Variants in SBNO2 observed in about 807,000 individuals in gnomAD.
SBNO2 encodes the protein protein strawberry notch homolog 2.
A neutral mutation model predicts 146.3 loss-of-function variants in SBNO2; 89 were observed. The ratio of observed to expected loss-of-function variants is 0.61; its 90% confidence interval spans 0.51 to 0.73. The LOEUF (loss-of-function observed/expected upper bound fraction) is 0.73, where lower values mean the gene tolerates loss of function less well. Ranked by LOEUF, SBNO2 falls within the 30% of genes least tolerant of loss-of-function variation. The pLI is 0.00. For missense variants in SBNO2, 2,092 were observed against 2,003.7 expected, an observed-to-expected ratio of 1.04 and a Z score of -0.84; for synonymous variants, 1,147 against 892.6, an observed-to-expected ratio of 1.29 and a Z score of -5.08.
In SBNO2 at chr19:1,150,805, G is replaced by A. The variant is rs1048765573; in HGVS notation, c.94-1363C>T. Reference sequence around the variant, plus strand: ...TGGCTGGGAACCAGCCCGGATGGCCGGGGGCCACTTTCTGTACCCGCAGGT... The same window carrying A: ...TGGCTGGGAACCAGCCCGGATGGCCAGGGGCCACTTTCTGTACCCGCAGGT... On this transcript the variant is annotated intron_variant, in intron 2 of 31. Coordinates refer to ENST00000361757, the MANE Select transcript of SBNO2 (RefSeq NM_014963.3). The surrounding 1 kb of genome is among the most constrained non-coding windows in gnomAD (Gnocchi z 6.2). Among the ~76,000 whole-genome samples the A allele has an allele frequency of 2.6e-5, 4 of 152,290 alleles. No homozygotes were observed. Among genetic ancestry groups the A allele is most frequent in the East Asian group, 1.9e-4 (1 of 5,176 alleles).
At chr19:1,153,051 A>G (rs1449793677) in intron 2 of SBNO2, among the ~76,000 whole-genome samples, 1 of 151,768 alleles carries the variant, frequency 6.6e-6, no homozygotes, top group Non-Finnish European at 1.5e-5. Flanking sequence ...GCTACTCAGG[A>G]GGCTGAGGCA....
At chr19:1,138,378 C>G (rs919844276) in intron 4 of SBNO2, among the ~76,000 whole-genome samples, 2 of 151,768 alleles carry the variant, frequency 1.3e-5, no homozygotes, top group East Asian at 3.9e-4. Context: ...GCTGCAGCAG[C>G]AAGGGCCCCT....
At position 1,128,318 on chromosome 19, in the gene SBNO2, C is replaced by T. The variant is rs10411449; in HGVS notation, c.280-553G>A. On this transcript the variant is annotated intron_variant, in intron 4 of 31. Coordinates refer to ENST00000361757, the MANE Select transcript of SBNO2 (RefSeq NM_014963.3). ...CCGGAGGCAGGGGCGGGGGCAGCCA[C>T]GCCCAGAGGTGGGGCTCGCCATGGG... 7.0e-3 allele frequency: 2,626 copies of T among 374,984 alleles called. 67 individuals carry two copies. The highest frequency in any genetic ancestry group is 0.052 in the African/African-American group (2,437 of 46,734). The allele number at this position is 374,984 out of a possible 1,614,324, so 23.2% of individuals were successfully genotyped here.
chr19:1,151,085 C>G (rs1033595347), intron 2 of SBNO2, among the ~76,000 whole-genome samples: 6 of 152,270 alleles, frequency 3.9e-5, no homozygotes, highest in African/African-American at 1.4e-4. Flanking sequence ...TGATCCTTCC[C>G]CTCCTCCTGC....
Position 1,119,894 on chromosome 19 carries a change from G to GCAC in SBNO2, c.1267+9_1267+11dup. ...GCTGCGGGTGGGTCACGTGGGATCC[G>GCAC]CACCGCCCCACCTGTGGCGCTGGCG... On this transcript the variant is annotated intron_variant, in intron 12 of 31. Coordinates refer to ENST00000361757, the MANE Select transcript of SBNO2 (RefSeq NM_014963.3). 6.5e-7 allele frequency: 1 copy of GCAC among 1,533,126 alleles called. No homozygotes were observed. The highest frequency in any genetic ancestry group is 8.8e-7 in the Non-Finnish European group (1 of 1,136,792). 95.0% of individuals were successfully genotyped at this position (1,533,126 alleles called of 1,614,324 possible). A position where few individuals can be genotyped will look rare whatever the true frequency, so the allele number is the denominator to read the frequency against.
At chr19:1,146,125 C>T (rs574158308) in intron 4 of SBNO2, among the ~76,000 whole-genome samples, 120 of 152,336 alleles carry the variant, frequency 7.9e-4, no homozygotes, top group African/African-American at 2.7e-3. Flanking sequence ...CTTCTGAGGA[C>T]CCTTGTGCTG....
chr19:1,111,923 C>A, intron 23 of SBNO2, 73 bp downstream of exon 23: 1 of 1,380,172 alleles, frequency 7.2e-7, no homozygotes, highest in South Asian at 1.3e-5. Flanking sequence ...CCCCCTCCCC[C>A]AGGCTCTTAG....
In SBNO2 at chr19:1,117,446, C is replaced by T. The variant is rs1158449953; in HGVS notation, c.1581G>A (p.Glu527=). ...ACTGGCCCCACAGGGACTTGCGCGA[C>T]TCCAGGCCGATCCAGTCGGCCGCCT... ...FQQAADWIGL[E]SRKSLWGQFW... is the part of the protein sequence containing the mutation. Residue 527 remains glutamate (E), a synonymous_variant, in exon 15 of 32, where the codon GAG becomes GAA. Coordinates refer to ENST00000361757, the MANE Select transcript of SBNO2 (RefSeq NM_014963.3). The T allele has an allele frequency of 6.3e-6, 10 of 1,589,528 alleles. No homozygotes were observed. The African/African-American group carries it at 1.3e-4, about 21-fold the overall frequency.
At chr19:1,115,950 C>T (rs752744766) in intron 17 of SBNO2, 71 bp downstream of exon 17, 30 of 1,271,304 alleles carry the variant, frequency 2.4e-5, no homozygotes, top group Middle Eastern at 2.0e-4. Context: ...AAGCAGGGAG[C>T]GACCAGCCAG....
Position 1,116,070 on chromosome 19 carries a change from A to T in SBNO2, c.1836T>A (p.Phe612Leu). ...TGTCCCGCTTTCTCTTGGTGGACGG[A>T]AAGTGCTTCTGAATTAGCGACAGGA... The part of the protein sequence containing the change: ...GVFLSLIQKH[F>L]PSTKRKRDRG... Residue 612 changes from phenylalanine to leucine, a missense_variant, in exon 17 of 32, where the codon TTT (phenylalanine) becomes TTA (leucine). Coordinates refer to ENST00000361757, the MANE Select transcript of SBNO2 (RefSeq NM_014963.3). 6.2e-7 allele frequency: 1 copy of T among 1,611,262 alleles called. No individual in the cohort carries two copies. The highest frequency in any genetic ancestry group is 8.5e-7 in the Non-Finnish European group (1 of 1,179,232).
At position 1,126,061 on chromosome 19, in the gene SBNO2, CG is replaced by C. The variant is rs2079962480; in HGVS notation, c.441+1542del. Among the ~76,000 whole-genome samples, 1 of 152,186 alleles carries C rather than the reference CG, an allele frequency of 6.6e-6. No homozygotes were observed. On this transcript the variant is annotated intron_variant, in intron 5 of 31. Coordinates refer to ENST00000361757, the MANE Select transcript of SBNO2 (RefSeq NM_014963.3). This position sits in a 1 kb window ranked among gnomAD's most constrained non-coding sequence, Gnocchi z 4.4. ...ACCCGGTCCCCCCCTTGAACTCCAA[CG>C]TCCTGAGACGGGTGAGGTTTCCGCC...
rs2079909164 is a variant in SBNO2 at position 1,122,212 on chromosome 19, C to G, written c.1076G>C (p.Ser359Thr). Reference sequence around the variant, plus strand: ...AGTGCGGTGCTGGCCGCCGGCCTGGCTCTCCCCAATCAGGGCGGAGTAGGT... The same window carrying G: ...AGTGCGGTGCTGGCCGCCGGCCTGGGTCTCCCCAATCAGGGCGGAGTAGGT... ...FATYSALIGE[S>T]QAGGQHRTRL... is the part of the protein sequence containing the mutation. The change falls in exon 11 of 32, where the codon AGC becomes ACC. Residue 359 changes from serine to threonine, a missense_variant. Ser to Thr is a moderately conservative substitution (Grantham distance 58). Transcript: ENST00000361757. 1.9e-6 allele frequency: 3 copies of G among 1,568,694 alleles called. No homozygotes were observed. Among genetic ancestry groups the G allele is most frequent in the Non-Finnish European group, 2.6e-6 (3 of 1,158,194 alleles).
At chr19:1,155,562 G>A (rs1159746600) in intron 1 of SBNO2, among the ~76,000 whole-genome samples, 5 of 152,206 alleles carry the variant, frequency 3.3e-5, no homozygotes, top group East Asian at 1.9e-4. Flanking sequence ...GGACAGGCCC[G>A]CTGGGATCTG....
intron 18 of SBNO2, 124 bp downstream of exon 18, chr19:1,114,107 G>T: frequency 1.2e-6 from 1 of 849,554 alleles, no homozygotes; most frequent in Non-Finnish European, 1.7e-6. Context: ...TACAACCTGG[G>T]GTGGGTGGTG....
At chr19:1,124,353 G>A (rs763326010) in intron 5 of SBNO2, among the ~76,000 whole-genome samples, 17 of 152,342 alleles carry the variant, frequency 1.1e-4, no homozygotes, top group Middle Eastern at 3.4e-3. Context: ...GCTTGGTCCC[G>A]CGGGAGCTGC....
chr19:1,166,846 C>A (rs2080430871), intron 1 of SBNO2, among the ~76,000 whole-genome samples: 1 of 152,194 alleles, frequency 6.6e-6, no homozygotes, highest in East Asian at 1.9e-4. Context: ...CATCCCACAC[C>A]TGCTACTGTC....
At position 1,114,433 on chromosome 19, in the gene SBNO2, G is replaced by A. The variant is rs1276133669; in HGVS notation, c.1886-11C>T. On this transcript the variant is annotated splice_polypyrimidine_tract_variant and intron_variant, in intron 17 of 31. Coordinates refer to ENST00000361757, the MANE Select transcript of SBNO2 (RefSeq NM_014963.3). ...GTCCCCGAGGTCGCCCTGCAGGGAAGGACAGGGTCACCGAGGGCCAGACCG... is the reference window on the plus strand; with the variant it reads ...GTCCCCGAGGTCGCCCTGCAGGGAAAGACAGGGTCACCGAGGGCCAGACCG... 2 of 1,512,576 alleles carry A rather than the reference G, an allele frequency of 1.3e-6. No homozygotes were observed. Among genetic ancestry groups the A allele is most frequent in the Non-Finnish European group, 8.9e-7 (1 of 1,126,214 alleles). The allele number at this position is 1,512,576 out of a possible 1,614,324, so 93.7% of individuals were successfully genotyped here.
rs528718064 is a variant in SBNO2, at chr19:1,155,725, C to A, written c.-126-1323G>T. Reference sequence around the variant, plus strand: ...GTTCTCTGGGTAGAGCCTGGGACCCCCCGACCCCGGCCCCGTGTGCTGGTG... The same window carrying A: ...GTTCTCTGGGTAGAGCCTGGGACCCACCGACCCCGGCCCCGTGTGCTGGTG... On this transcript the variant is annotated intron_variant, in intron 1 of 31. Coordinates refer to ENST00000361757, the MANE Select transcript of SBNO2 (RefSeq NM_014963.3). Among the ~76,000 whole-genome samples the A allele has an allele frequency of 6.6e-5, 10 of 152,236 alleles. No homozygotes were observed. The East Asian group carries it at 1.7e-3, about 26-fold the overall frequency.
intron 1 of SBNO2, among the ~76,000 whole-genome samples, chr19:1,170,874 C>T (rs1412387365): frequency 6.8e-6 from 1 of 146,366 alleles, no homozygotes; most frequent in African/African-American, 2.8e-5. Flanking sequence ...CAAACACACA[C>T]AAAATACATG....
Sources: allele counts gnomAD v4.1 joint callset (sites outside exome capture counted in the v4.1 genomes callset), GRCh38; gene constraint gnomAD v4.1.1; non-coding constraint Gnocchi (gnomAD v3.1); transcripts MANE v1.5; gene names NCBI Gene and HGNC (gene_info 2026-07-23, HGNC 2026-07-21).